BBS9: variants seen among roughly 807,000 people sequenced by gnomAD.
BBS9 encodes the protein Bardet-Biedl syndrome 9.
Under a neutral mutation model 117.7 loss-of-function variants are expected in BBS9, and 89 were observed. That is an observed-to-expected ratio of 0.76 (90% CI 0.64 to 0.90). The LOEUF (loss-of-function observed/expected upper bound fraction) is 0.90, where lower values mean the gene tolerates loss of function less well. Ranked by LOEUF, BBS9 falls within the 40% of genes least tolerant of loss-of-function variation. BBS9 has a pLI of 0.00. For synonymous variants in BBS9, 379 were observed against 370.9 expected (o/e 1.02, Z -0.25); for missense variants, 982 against 1,042.2 (o/e 0.94, Z 0.80).
intron 20 of BBS9, among the ~76,000 whole-genome samples, chr7:33,520,797 G>T (rs1277330704): frequency 1.3e-5 from 2 of 152,102 alleles, no homozygotes; most frequent in Non-Finnish European, 2.9e-5. Flanking sequence ...GTCTTTCTTG[G>T]GCCTCCATTG....
chr7:33,616,493 G>GTGTATATATATATATATATATA (rs375605829), intron 21 of BBS9, among the ~76,000 whole-genome samples: 1 of 136,422 alleles, frequency 7.3e-6, no homozygotes, highest in Admixed American at 7.5e-5. Flanking sequence ...GTGTGTGTGT[G>GTGTATATATATATATATATATA]TATATATATA....
intron 20 of BBS9, among the ~76,000 whole-genome samples, chr7:33,518,192 G>C (rs763250538): frequency 6.9e-6 from 1 of 144,984 alleles, no homozygotes; most frequent in Non-Finnish European, 1.5e-5. Context: ...GCACTTTACT[G>C]TACTTCTCTA....
At chr7:33,236,736 A>G (rs1314698405) in intron 5 of BBS9, among the ~76,000 whole-genome samples, 1 of 152,112 alleles carries the variant, frequency 6.6e-6, no homozygotes, top group Non-Finnish European at 1.5e-5. Context: ...GAAGCTAATT[A>G]ACATATCCTT....
chr7:33,483,101 G>T (rs368139382), intron 19 of BBS9, among the ~76,000 whole-genome samples: 2 of 151,850 alleles, frequency 1.3e-5, no homozygotes, highest in Admixed American at 6.6e-5. Flanking sequence ...CCTTTTCTTT[G>T]GGGGGCGGGG....
intron 9 of BBS9, among the ~76,000 whole-genome samples, chr7:33,333,982 G>A (rs1402597876): frequency 2.6e-5 from 4 of 152,146 alleles, no homozygotes; most frequent in Non-Finnish European, 5.9e-5. Flanking sequence ...TAGCTGTCAA[G>A]ACATTCTGGT....
intron 5 of BBS9, among the ~76,000 whole-genome samples, chr7:33,188,527 T>C (rs1783536360): frequency 1.3e-5 from 2 of 152,110 alleles, no homozygotes; most frequent in Admixed American, 1.3e-4. Context: ...TTGTTGAGAA[T>C]GACAAATTTA....
At chr7:33,542,723 GTGTGTGTGTATATGTGTGTGTA>G (rs1852543458) in intron 21 of BBS9, among the ~76,000 whole-genome samples, 1 of 98,800 alleles carries the variant, frequency 1.0e-5, no homozygotes, top group African/African-American at 3.6e-5. Flanking sequence ...GTGTGTGTGT[GTGTGTGTGTATATGTGTGTGTA>G]TATATATATA....
At chr7:33,319,500 A>G (rs1260305518) in intron 9 of BBS9, among the ~76,000 whole-genome samples, 1 of 152,212 alleles carries the variant, frequency 6.6e-6, no homozygotes, top group Non-Finnish European at 1.5e-5. Context: ...GTACTAGTTT[A>G]CATTCCCACC....
chr7:33,589,033 G>T (rs781458131), intron 21 of BBS9, among the ~76,000 whole-genome samples: 1 of 152,102 alleles, frequency 6.6e-6, no homozygotes, highest in East Asian at 1.9e-4. Context: ...AAACGATCAC[G>T]GGTTACTCTT....
chr7:33,268,102 G>A (rs996585766), intron 7 of BBS9, among the ~76,000 whole-genome samples: 1 of 152,144 alleles, frequency 6.6e-6, no homozygotes, highest in African/African-American at 2.4e-5. Flanking sequence ...AATTCACTCA[G>A]AATTATGAGG....
At chr7:33,364,825 C>A (rs1821358828) in intron 16 of BBS9, among the ~76,000 whole-genome samples, 1 of 150,604 alleles carries the variant, frequency 6.6e-6, no homozygotes, top group South Asian at 2.1e-4. Flanking sequence ...ACATCCTGGG[C>A]TCAAGCAATC....
chr7:33,601,175 T>G (rs1863735435), intron 21 of BBS9, among the ~76,000 whole-genome samples: 2 of 152,072 alleles, frequency 1.3e-5, no homozygotes, highest in South Asian at 4.1e-4. Flanking sequence ...CAAGGTAGAG[T>G]GCTCAGCACA....
chr7:33,462,681 T>C (rs1023847583), intron 19 of BBS9, among the ~76,000 whole-genome samples: 4 of 152,086 alleles, frequency 2.6e-5, no homozygotes, highest in African/African-American at 9.7e-5. Flanking sequence ...CTTAGGCACA[T>C]GCTTATGGAA....
chr7:33,487,825 G>A (rs529232369), intron 19 of BBS9, among the ~76,000 whole-genome samples: 1 of 152,256 alleles, frequency 6.6e-6, no homozygotes, highest in Non-Finnish European at 1.5e-5. Flanking sequence ...GTAAGGTTGA[G>A]GCTCATAGCT....
intron 21 of BBS9, among the ~76,000 whole-genome samples, chr7:33,591,940 T>A (rs1341595651): frequency 6.6e-6 from 1 of 152,168 alleles, no homozygotes; most frequent in Admixed American, 6.6e-5. Flanking sequence ...GAGGAGTGGT[T>A]ATCTATGATA....
chr7:33,457,818 CTT>C (rs1386115938), intron 19 of BBS9, among the ~76,000 whole-genome samples: 4 of 152,166 alleles, frequency 2.6e-5, no homozygotes, highest in Non-Finnish European at 4.4e-5. Context: ...TACAACTTAA[CTT>C]TTAATTTAAC....
intron 15 of BBS9, among the ~76,000 whole-genome samples, chr7:33,353,281 C>T (rs1403715101): frequency 6.6e-6 from 1 of 152,124 alleles, no homozygotes; most frequent in Non-Finnish European, 1.5e-5. Flanking sequence ...CCAAGAGATT[C>T]ACCTCTCTGT....
chr7:33,265,571 G>A (rs1033953070), intron 7 of BBS9, among the ~76,000 whole-genome samples: 21 of 152,176 alleles, frequency 1.4e-4, no homozygotes, highest in African/African-American at 4.8e-4. Context: ...TAGGCTGGGC[G>A]CGGTGGCTCA....
chr7:33,336,114 A>G (rs1248932913), intron 9 of BBS9, among the ~76,000 whole-genome samples: 1 of 152,164 alleles, frequency 6.6e-6, no homozygotes, highest in African/African-American at 2.4e-5. Flanking sequence ...GGAAATGCCA[A>G]GTAGTAGCTG....
Sources: gnomAD v4.1 joint callset for allele counts (sites outside exome capture counted in the v4.1 genomes callset) on GRCh38, gnomAD v4.1.1 for gene constraint, MANE v1.5 for transcripts, NCBI Gene and HGNC (gene_info 2026-07-23, HGNC 2026-07-21) for gene names.